Variants in KDM4C observed in about 807,000 individuals in gnomAD.
KDM4C encodes lysine-specific demethylase 4C.
In KDM4C, 81 loss-of-function variants were observed where a neutral mutation model predicts 129.3. The ratio of observed to expected loss-of-function variants is 0.63; its 90% CI spans 0.52 to 0.75. KDM4C has a LOEUF of 0.75. Ranked by LOEUF, KDM4C falls within the 30% of genes least tolerant of loss-of-function variation. KDM4C has a pLI of 0.00. For synonymous variants in KDM4C, 573 were observed against 456.1 expected (o/e 1.26, Z -3.26); for missense variants, 1,457 against 1,304.0 (o/e 1.12, Z -1.81).
intron 8 of KDM4C, among the ~76,000 whole-genome samples, chr9:6,960,358 CAGCCTGGACCTCCTGGGCTCAAGGG>C (rs1829822109): frequency 1.3e-5 from 2 of 150,408 alleles, no homozygotes; most frequent in African/African-American, 4.9e-5. Context: ...TAGCTCACTG[CAGCCTGGACCTCCTGGGCTCAAGGG>C]ATCCTCTCTC....
At chr9:6,795,446 C>G (rs866323225) in intron 2 of KDM4C, among the ~76,000 whole-genome samples, 2 of 152,220 alleles carry the variant, frequency 1.3e-5, no homozygotes, top group African/African-American at 2.4e-5. Context: ...ATTCTCCTGC[C>G]TCAGCCTCCT....
intron 8 of KDM4C, among the ~76,000 whole-genome samples, chr9:6,916,303 A>T (rs1168156213): frequency 2.6e-5 from 4 of 151,590 alleles, no homozygotes; most frequent in Non-Finnish European, 4.4e-5. Context: ...TTCAATATAA[A>T]CTTCTGAAGG....
At chr9:6,836,109 C>T (rs114519333) in intron 4 of KDM4C, among the ~76,000 whole-genome samples, 1,660 of 152,174 alleles carry the variant, frequency 0.011, 30 homozygotes, top group African/African-American at 0.037. Flanking sequence ...TACAGGCAGC[C>T]AGGGCTTACC....
chr9:7,054,018 A>G (rs1830551618), intron 17 of KDM4C, among the ~76,000 whole-genome samples: 1 of 152,262 alleles, frequency 6.6e-6, no homozygotes, highest in African/African-American at 2.4e-5. Context: ...CCTGTCCATT[A>G]GAATAAATTG....
chr9:6,924,607 T>C (rs1378602702), intron 8 of KDM4C: 1 of 268,258 alleles, frequency 3.7e-6, no homozygotes, highest in Non-Finnish European at 5.7e-6. Context: ...TTCTGTACCT[T>C]GCCCACGCCA....
intron 8 of KDM4C, among the ~76,000 whole-genome samples, chr9:6,977,759 T>A (rs1241128713): frequency 6.6e-6 from 1 of 152,168 alleles, no homozygotes; most frequent in Non-Finnish European, 1.5e-5. Context: ...GAGCTTGATG[T>A]ACACTGCTGT....
intron 1 of KDM4C, among the ~76,000 whole-genome samples, chr9:6,782,599 G>C (rs1824603773): frequency 6.6e-6 from 1 of 152,126 alleles, no homozygotes; most frequent in East Asian, 1.9e-4. Flanking sequence ...CAGCAAAGGA[G>C]GGAAATGGCT....
At chr9:6,791,590 C>G (rs183549539) in intron 1 of KDM4C, among the ~76,000 whole-genome samples, 1 of 152,218 alleles carries the variant, frequency 6.6e-6, no homozygotes, top group African/African-American at 2.4e-5. Flanking sequence ...TCTGTAAGCA[C>G]ACCTGAGTAA....
At chr9:6,906,887 G>A (rs1818417568) in intron 8 of KDM4C, among the ~76,000 whole-genome samples, 1 of 152,194 alleles carries the variant, frequency 6.6e-6, no homozygotes, top group African/African-American at 2.4e-5. Context: ...AATGAAAACA[G>A]CATTGCATAG....
intron 19 of KDM4C, among the ~76,000 whole-genome samples, chr9:7,140,777 A>C (rs1351038260): frequency 1.3e-5 from 2 of 152,254 alleles, no homozygotes; most frequent in Non-Finnish European, 2.9e-5. Flanking sequence ...TGGAGTTTAC[A>C]ATCTAGTGGG....
rs1053000462 is a variant in KDM4C at position 6,744,036 on chromosome 9, C to G, written c.49+23039C>G. On this transcript the variant is annotated intron_variant, in intron 1 of 17. Coordinates refer to the KDM4C transcript ENST00000536108. ...TTATTGGGATTACAGGTGTGAGACA[C>G]CATATCCGGCCCCTCTCCAGTTCTA... Among the ~76,000 whole-genome samples the G allele has an allele frequency of 2.7e-5, 4 of 150,204 alleles. No individual in the cohort carries two copies. The Admixed American group carries it at 2.7e-4, about 10-fold the overall frequency.
At chr9:7,035,273 C>T (rs148482777) in intron 15 of KDM4C, among the ~76,000 whole-genome samples, 1 of 144,218 alleles carries the variant, frequency 6.9e-6, no homozygotes, top group African/African-American at 2.5e-5. Context: ...CTTGGCCTCT[C>T]AAAGTGCTAG....
intron 8 of KDM4C, among the ~76,000 whole-genome samples, chr9:6,933,992 G>A (rs993899296): frequency 6.6e-6 from 1 of 151,972 alleles, no homozygotes; most frequent in African/African-American, 2.4e-5. Flanking sequence ...TGGAATTATA[G>A]GTGTGCCCCA....
At chr9:6,789,176 C>T (rs370918551) in intron 1 of KDM4C, among the ~76,000 whole-genome samples, 7 of 150,376 alleles carry the variant, frequency 4.7e-5, no homozygotes, top group South Asian at 4.2e-4. Flanking sequence ...TCTCAGCCTC[C>T]GAGTAGCTGG....
In KDM4C at chr9:7,011,758, C is replaced by T. The variant is rs778525702; in HGVS notation, c.1847C>T (p.Pro616Leu). 2 of 1,614,018 alleles carry T rather than the reference C, an allele frequency of 1.2e-6. No individual in the cohort carries two copies. Among genetic ancestry groups the T allele is most frequent in the East Asian group, 2.2e-5 (1 of 44,896 alleles). The change falls in exon 13 of 22, where the codon CCT becomes CTT. Residue 616 changes from proline to leucine, a missense_variant. Coordinates refer to ENST00000381309, the MANE Select transcript of KDM4C (RefSeq NM_015061.6). The stretch of plus-strand genomic sequence containing the variant: ...GAAGAAACAGAGTCTTGGGCGAAAC[C>T]TCTCATCCACCTTTGGCAGACGAAG... ...EVEETESWAK[P>L]LIHLWQTKSP...
chr9:6,792,094 A>C (rs1564014025), intron 1 of KDM4C, among the ~76,000 whole-genome samples: 1 of 152,136 alleles, frequency 6.6e-6, no homozygotes, highest in Admixed American at 6.5e-5. Context: ...AAATCCCAGC[A>C]CTTTGGGAGG....
intron 4 of KDM4C, among the ~76,000 whole-genome samples, chr9:6,824,863 G>T (rs528011648): frequency 6.6e-6 from 1 of 151,974 alleles, no homozygotes; most frequent in South Asian, 2.1e-4. Context: ...GAAGATTGTG[G>T]CCAGGTACGG....
chr9:7,122,440 A>C (rs1839607602), intron 18 of KDM4C, among the ~76,000 whole-genome samples: 1 of 152,158 alleles, frequency 6.6e-6, no homozygotes. Context: ...GGGTGGGGAC[A>C]CAGAGCCAAA....
At chr9:6,887,621 C>T (rs955956460) in intron 6 of KDM4C, among the ~76,000 whole-genome samples, 1 of 152,140 alleles carries the variant, frequency 6.6e-6, no homozygotes, top group Non-Finnish European at 1.5e-5. Context: ...TTTATCTTTC[C>T]TAACTTCCCT....
Sources: allele counts gnomAD v4.1 joint callset (sites outside exome capture counted in the v4.1 genomes callset), GRCh38; gene constraint gnomAD v4.1.1; transcripts MANE v1.5; gene names NCBI Gene and HGNC (gene_info 2026-07-23, HGNC 2026-07-21).